Variants in FARP1 observed in about 807,000 individuals in gnomAD.
FARP1 encodes the protein FERM, ARHGEF and pleckstrin domain-containing protein 1.
A neutral mutation model predicts 128.8 loss-of-function variants in FARP1; 52 were observed. That is an observed-to-expected ratio of 0.40 (90% CI 0.32 to 0.51). The LOEUF (loss-of-function observed/expected upper bound fraction) is 0.51. Among genes scored for constraint, FARP1 ranks in the 20% least tolerant of loss-of-function variants. FARP1 has a pLI of 0.45. For synonymous variants in FARP1, 580 were observed against 551.8 expected, an observed-to-expected ratio of 1.05 and a Z score of -0.72; for missense variants, 1,333 against 1,367.9, an observed-to-expected ratio of 0.97 and a Z score of 0.40.
intron 1 of FARP1, among the ~76,000 whole-genome samples, chr13:98,175,461 A>T (rs534795799): frequency 6.7e-6 from 1 of 150,200 alleles, no homozygotes; most frequent in Admixed American, 6.6e-5. Flanking sequence ...CATCCTCTCC[A>T]CTCCCTCCCG....
chr13:98,451,061 A>G lies in FARP1; in HGVS notation c.*2744A>G, dbSNP rs1037426464. 3 of 152,198 alleles carry G rather than the reference A, an allele frequency of 2.0e-5. No individual in the cohort carries two copies. The highest frequency in any genetic ancestry group is 4.4e-5 in the Non-Finnish European group (3 of 68,040). The allele number at this position is 152,198 out of a possible 1,614,324, so 9.4% of individuals were successfully genotyped here. On this transcript the variant is annotated 3_prime_UTR_variant, in exon 27 of 27. Transcript: ENST00000319562. Reference sequence around the variant, plus strand: ...AGACTCCCCGTTCATACCAGTATTCATTAGAACCCAGTCCCTCGAGCGGCT... The same window carrying G: ...AGACTCCCCGTTCATACCAGTATTCGTTAGAACCCAGTCCCTCGAGCGGCT...
Position 98,437,870 on chromosome 13 carries a change from A to G in FARP1, c.2275-934A>G, listed in dbSNP as rs750106303. On this transcript the variant is annotated intron_variant, in intron 19 of 26. Coordinates refer to ENST00000319562, the MANE Select transcript of FARP1 (RefSeq NM_005766.4). The stretch of plus-strand genomic sequence containing the variant: ...TGTTATTAGTAAAGGTGAAGATGGA[A>G]TTGGGGTACTCCTTCCTAAGCTCAG... 1.3e-5 allele frequency: 20 copies of G among 1,574,186 alleles called. No homozygotes were observed. The African/African-American group carries it at 2.6e-4, about 20-fold the overall frequency.
intron 6 of FARP1, among the ~76,000 whole-genome samples, chr13:98,382,809 A>G (rs1415517623): frequency 1.3e-5 from 2 of 151,640 alleles, no homozygotes; most frequent in Non-Finnish European, 2.9e-5. Context: ...ATTTTTGTGC[A>G]TGTTTTTGGT....
At chr13:98,406,309 A>G (rs1384501022) in intron 13 of FARP1, 1 of 152,232 alleles carries the variant, frequency 6.6e-6, no homozygotes, top group Non-Finnish European at 1.5e-5. Context: ...CGGATTGTTT[A>G]TCTTGCAAAG....
chr13:98,259,893 G>GTGTGTGTC (rs1377040995), intron 2 of FARP1, among the ~76,000 whole-genome samples: 1 of 150,824 alleles, frequency 6.6e-6, no homozygotes, highest in East Asian at 2.0e-4. Context: ...GTGTGTGTGT[G>GTGTGTGTC]TGTGTGTGTG....
chr13:98,323,248 TATA>T (rs1887080815), intron 2 of FARP1, among the ~76,000 whole-genome samples: 1 of 152,212 alleles, frequency 6.6e-6, no homozygotes, highest in Non-Finnish European at 1.5e-5. Context: ...GCACATATTT[TATA>T]ATAAAATTTT....
At chr13:98,290,803 G>A (rs1885414715) in intron 2 of FARP1, among the ~76,000 whole-genome samples, 1 of 152,142 alleles carries the variant, frequency 6.6e-6, no homozygotes, top group South Asian at 2.1e-4. Context: ...GTGTGAGAAA[G>A]AGGAGTCATG....
At chr13:98,281,353 C>T (rs1307970612) in intron 2 of FARP1, among the ~76,000 whole-genome samples, 1 of 147,930 alleles carries the variant, frequency 6.8e-6, no homozygotes, top group African/African-American at 2.5e-5. Context: ...GGCAACAGAG[C>T]AAGACTCTGT....
At chr13:98,365,560 C>G in intron 4 of FARP1, 123 bp downstream of exon 4, 1 of 611,336 alleles carries the variant, frequency 1.6e-6, no homozygotes, top group Non-Finnish European at 2.9e-6. Context: ...CCCATAATTG[C>G]TTTTCATCAT....
At chr13:98,319,448 G>A (rs1371883853) in intron 2 of FARP1, among the ~76,000 whole-genome samples, 1 of 152,080 alleles carries the variant, frequency 6.6e-6, no homozygotes, top group Admixed American at 6.5e-5. Flanking sequence ...GTGAAACCCC[G>A]TCTCTATTAA....
intron 2 of FARP1, among the ~76,000 whole-genome samples, chr13:98,251,827 T>G (rs1240628592): frequency 6.6e-6 from 1 of 152,132 alleles, no homozygotes; most frequent in African/African-American, 2.4e-5. Flanking sequence ...TGGATAGTAA[T>G]ATAGCTAATT....
rs73567698 is a variant in FARP1, at chr13:98,388,618, G to A, written c.855+140G>A. On this transcript the variant is annotated intron_variant, in intron 9 of 26. Coordinates refer to ENST00000319562, the MANE Select transcript of FARP1 (RefSeq NM_005766.4). ...AGGTGCTTTTGTCCACATGAACGCC[G>A]AGCGTCTCTAGGACAGATGTATCCA... 555 of 663,282 alleles carry A rather than the reference G, an allele frequency of 8.4e-4. No homozygotes were observed. In the African/African-American group the frequency reaches 8.7e-3, roughly 10 times the overall value. 41.1% of individuals were successfully genotyped at this position (663,282 alleles called of 1,614,324 possible).
intron 16 of FARP1, among the ~76,000 whole-genome samples, chr13:98,413,490 T>C (rs940502541): frequency 1.3e-5 from 2 of 151,830 alleles, no homozygotes; most frequent in African/African-American, 4.8e-5. Context: ...CAAGACCCCA[T>C]CTCAACAAAA....
intron 2 of FARP1, among the ~76,000 whole-genome samples, chr13:98,316,227 CT>C (rs1886713603): frequency 2.6e-5 from 4 of 152,148 alleles, no homozygotes; most frequent in Admixed American, 2.6e-4. Flanking sequence ...CAGCTGTCCC[CT>C]ACTCTCAGAT....
intron 13 of FARP1, chr13:98,402,856 A>C (rs1418595170): frequency 6.6e-6 from 1 of 152,194 alleles, no homozygotes; most frequent in East Asian, 1.9e-4. Context: ...TTTTATTTAA[A>C]ATTTCTAATA....
chr13:98,309,197 C>T (rs1431708881), intron 2 of FARP1, among the ~76,000 whole-genome samples: 2 of 103,796 alleles, frequency 1.9e-5, no homozygotes, highest in African/African-American at 7.6e-5. Context: ...GACGGAGTCT[C>T]GCTCTGTGGC....
At chr13:98,344,745 G>A (rs1360669362) in intron 3 of FARP1, among the ~76,000 whole-genome samples, 1 of 152,154 alleles carries the variant, frequency 6.6e-6, no homozygotes, top group African/African-American at 2.4e-5. Flanking sequence ...TCTGAGCAGA[G>A]CAGGTGGTGA....
At chr13:98,301,124 G>T (rs1369424407) in intron 2 of FARP1, among the ~76,000 whole-genome samples, 1 of 152,196 alleles carries the variant, frequency 6.6e-6, no homozygotes, top group Admixed American at 6.5e-5. Flanking sequence ...CAAGGCATAG[G>T]ACAGTCCACC....
rs947701467 is a variant in FARP1 at position 98,452,467 on chromosome 13, G to A, written c.*4150G>A. On this transcript the variant is annotated 3_prime_UTR_variant, in exon 27 of 27. Transcript: ENST00000319562. ...ACCAAAAGGGGCGTAGGGCAAACGGGGAAAATTTGCATTTGTTGAGGTACA... is the reference window on the plus strand; with the variant it reads ...ACCAAAAGGGGCGTAGGGCAAACGGAGAAAATTTGCATTTGTTGAGGTACA... The A allele has an allele frequency of 6.6e-6, 1 of 152,576 alleles. No homozygotes were observed. Among genetic ancestry groups the A allele is most frequent in the Non-Finnish European group, 1.5e-5 (1 of 68,026 alleles). 9.5% of individuals were successfully genotyped at this position (152,576 alleles called of 1,614,324 possible).
Sources: allele counts gnomAD v4.1 joint callset (sites outside exome capture counted in the v4.1 genomes callset), GRCh38; gene constraint gnomAD v4.1.1; transcripts MANE v1.5; gene names NCBI Gene and HGNC (gene_info 2026-07-23, HGNC 2026-07-21).